LARGE1: variants seen among roughly 807,000 people sequenced by gnomAD.
The protein encoded by LARGE1 is LARGE xylosyl- and glucuronyltransferase 1, also known as xylosyl- and glucuronyltransferase LARGE1.
In LARGE1, 43 loss-of-function variants were observed where a neutral mutation model predicts 87.6. The observed-to-expected ratio is 0.49, with a 90% CI of 0.38 to 0.63. The LOEUF is 0.63. Among genes scored for constraint, LARGE1 ranks in the 30% least tolerant of loss-of-function variants. LARGE1 has a pLI of 0.00. For missense variants in LARGE1, 802 were observed against 1,000.2 expected (o/e 0.80, Z 2.67); for synonymous variants, 434 against 394.6 (o/e 1.10, Z -1.18).
intron 1 of LARGE1, among the ~76,000 whole-genome samples, chr22:33,853,995 C>A (rs2063683851): frequency 6.6e-6 from 1 of 152,034 alleles, no homozygotes; most frequent in African/African-American, 2.4e-5. Flanking sequence ...AGGCTCGTGG[C>A]CAGCCAGATG....
chr22:33,222,825 C>T (rs776539861), intron 11 of LARGE1, among the ~76,000 whole-genome samples: 4 of 152,060 alleles, frequency 2.6e-5, no homozygotes, highest in Non-Finnish European at 2.9e-5. Flanking sequence ...AATTTGTTAC[C>T]GCAACCCTAG....
Position 33,386,529 on chromosome 22 carries a change from A to G in LARGE1, c.893-2225T>C, listed in dbSNP as rs569746113. ...GTTTAACCATCAGCTCTCTGGGGGA[A>G]AAAAACGGCCGGATTTGTAGCATTT... On this transcript the variant is annotated intron_variant, in intron 7 of 14. Transcript: ENST00000397394. Among the ~76,000 whole-genome samples, 5 of 148,980 alleles carry G rather than the reference A, an allele frequency of 3.4e-5. 2 individuals are homozygous for G. The South Asian group carries it at 1.2e-3, about 36-fold the overall frequency.
At chr22:33,350,737 C>T (rs114482355) in intron 9 of LARGE1, among the ~76,000 whole-genome samples, 1,625 of 152,276 alleles carry the variant, frequency 0.011, 30 homozygotes, top group African/African-American at 0.037. Flanking sequence ...TTGTCTGCCC[C>T]GCATCACCGC....
At chr22:33,461,096 GAAGACTGATA>G (rs2068363765) in intron 6 of LARGE1, among the ~76,000 whole-genome samples, 1 of 152,114 alleles carries the variant, frequency 6.6e-6, no homozygotes, top group Non-Finnish European at 1.5e-5. Flanking sequence ...TTCAACCCCA[GAAGACTGATA>G]AAATCATCAT....
intron 11 of LARGE1, among the ~76,000 whole-genome samples, chr22:33,198,899 T>C (rs745931767): frequency 1.7e-4 from 26 of 152,186 alleles, no homozygotes; most frequent in Non-Finnish European, 2.5e-4. Flanking sequence ...GATAGACTTT[T>C]AGTTCTTTGA....
chr22:33,229,310 T>C (rs1297150839), intron 11 of LARGE1, among the ~76,000 whole-genome samples: 5 of 151,922 alleles, frequency 3.3e-5, no homozygotes, highest in Admixed American at 3.3e-4. Flanking sequence ...ATGAAGGAAA[T>C]TCAACAAGTA....
intron 11 of LARGE1, among the ~76,000 whole-genome samples, chr22:33,254,901 G>A (rs1341613477): frequency 6.6e-6 from 1 of 150,978 alleles, no homozygotes; most frequent in Non-Finnish European, 1.5e-5. Flanking sequence ...TAATCTCACA[G>A]TAACTGTTCC....
intron 11 of LARGE1, among the ~76,000 whole-genome samples, chr22:33,172,917 C>A (rs1472952594): frequency 6.6e-6 from 1 of 152,070 alleles, no homozygotes; most frequent in African/African-American, 2.4e-5. Flanking sequence ...AGAATGGAAC[C>A]AAGTTGGAAA....
the LARGE1 span, among the ~76,000 whole-genome samples, chr22:33,089,903 C>A: frequency 6.6e-6 from 1 of 152,176 alleles, no homozygotes; most frequent in Admixed American, 6.5e-5. Context: ...TCCACAAATA[C>A]TTACTGAGCA....
At chr22:33,231,238 G>C (rs1252172556) in intron 11 of LARGE1, among the ~76,000 whole-genome samples, 1 of 152,170 alleles carries the variant, frequency 6.6e-6, no homozygotes, top group Non-Finnish European at 1.5e-5. Context: ...CAAGCCACGT[G>C]CCCTCAACTC....
intron 6 of LARGE1, among the ~76,000 whole-genome samples, chr22:33,533,822 T>A (rs1168016144): frequency 2.0e-5 from 3 of 152,102 alleles, no homozygotes; most frequent in African/African-American, 7.2e-5. Flanking sequence ...TTAAAAAAAA[T>A]GTAGGATCTT....
At chr22:33,383,860 T>A (rs544009985) in intron 8 of LARGE1, among the ~76,000 whole-genome samples, 1 of 152,324 alleles carries the variant, frequency 6.6e-6, no homozygotes, top group East Asian at 1.9e-4. Flanking sequence ...GGCACCGACA[T>A]CTACTTATGA....
intron 2 of LARGE1, chr22:33,743,285 G>C (rs2083957098): frequency 6.6e-6 from 1 of 152,132 alleles, no homozygotes; most frequent in African/African-American, 2.4e-5. Context: ...AATATACCCA[G>C]GTAGGAGCGT....
the LARGE1 span, among the ~76,000 whole-genome samples, chr22:33,092,280 G>T: frequency 6.6e-6 from 1 of 150,642 alleles, no homozygotes; most frequent in African/African-American, 2.4e-5. Flanking sequence ...AACAAATTAA[G>T]AAATACAGAA....
chr22:33,392,238 G>A lies in LARGE1; in HGVS notation c.893-7934C>T, dbSNP rs2065556175. Among the ~76,000 whole-genome samples the A allele has an allele frequency of 2.0e-5, 3 of 151,694 alleles. No individual in the cohort carries two copies. In the South Asian group the frequency reaches 6.3e-4, roughly 32 times the overall value. On this transcript the variant is annotated intron_variant, in intron 7 of 14. Coordinates refer to ENST00000397394, the MANE Select transcript of LARGE1 (RefSeq NM_133642.5). ...TTGGAAAACACACTCTTGGCTCTGA[G>A]TCCTGATATCACTGCTTAATATCAA...
rs549589978 is a variant in LARGE1, at chr22:33,349,705, A to G, written c.1132-11904T>C. Among the ~76,000 whole-genome samples the G allele has an allele frequency of 2.0e-5, 3 of 152,294 alleles. No individual in the cohort carries two copies. The South Asian group carries it at 6.2e-4, about 32-fold the overall frequency. On this transcript the variant is annotated intron_variant, in intron 9 of 14. Coordinates refer to ENST00000397394, the MANE Select transcript of LARGE1 (RefSeq NM_133642.5). ...GGTACTGCTATTAAATAAAAATTAA[A>G]TAAAAATGGTGCCCTTTATACCAAG...
chr22:33,234,384 C>T (rs184328052), intron 11 of LARGE1, among the ~76,000 whole-genome samples: 1 of 152,352 alleles, frequency 6.6e-6, no homozygotes, highest in Admixed American at 6.5e-5. Context: ...ACAATCCTAC[C>T]TGTCATGTGT....
intron 1 of LARGE1, among the ~76,000 whole-genome samples, chr22:33,801,184 C>A (rs1423390772): frequency 6.6e-6 from 1 of 152,176 alleles, no homozygotes; most frequent in Non-Finnish European, 1.5e-5. Context: ...TGGGGCCTCC[C>A]CAGACATGTG....
intron 11 of LARGE1, among the ~76,000 whole-genome samples, chr22:33,187,611 TG>T (rs555277870): frequency 1.5e-3 from 226 of 152,130 alleles, no homozygotes; most frequent in Non-Finnish European, 2.1e-3. Flanking sequence ...AATGATGCAC[TG>T]TAGTCTTAAG....
Sources: allele counts gnomAD v4.1 joint callset (sites outside exome capture counted in the v4.1 genomes callset), GRCh38; gene constraint gnomAD v4.1.1; transcripts MANE v1.5; gene names NCBI Gene and HGNC (gene_info 2026-07-23, HGNC 2026-07-21).